RIMS2: variants seen among roughly 807,000 people sequenced by gnomAD.
RIMS2 encodes regulating synaptic membrane exocytosis 2.
In RIMS2, 59 loss-of-function variants were observed where a neutral mutation model predicts 174.4. That is an observed-to-expected ratio of 0.34 (90% CI 0.27 to 0.42). The LOEUF (loss-of-function observed/expected upper bound fraction) is 0.42, where lower values mean the gene tolerates loss of function less well. Among genes scored for constraint, RIMS2 ranks in the 10% least tolerant of loss-of-function variants. The probability of loss-of-function intolerance (pLI) is 1.00; values close to 1 mark genes in which losing one functional copy is unlikely to be tolerated. For missense variants in RIMS2, 1,620 were observed against 1,666.3 expected, an observed-to-expected ratio of 0.97 and a Z score of 0.48; for synonymous variants, 606 against 572.5, an observed-to-expected ratio of 1.06 and a Z score of -0.84.
chr8:103,790,224 C>T (rs1169183621), intron 3 of RIMS2, among the ~76,000 whole-genome samples: 1 of 152,166 alleles, frequency 6.6e-6, no homozygotes, highest in Non-Finnish European at 1.5e-5. Context: ...TTCCATAAAC[C>T]CTGGAAAACT....
At chr8:103,995,152 G>A (rs1332837827) in intron 17 of RIMS2, among the ~76,000 whole-genome samples, 1 of 151,842 alleles carries the variant, frequency 6.6e-6, no homozygotes, top group Non-Finnish European at 1.5e-5. Flanking sequence ...ATAATTATAT[G>A]AACCACTGCT....
At chr8:103,696,191 A>C (rs1041354746) in intron 1 of RIMS2, among the ~76,000 whole-genome samples, 1 of 151,984 alleles carries the variant, frequency 6.6e-6, no homozygotes, top group Non-Finnish European at 1.5e-5. Context: ...CTAATTTTTA[A>C]GTTTATTTAT....
chr8:103,641,797 A>G (rs141400819), intron 1 of RIMS2, among the ~76,000 whole-genome samples: 2 of 152,172 alleles, frequency 1.3e-5, no homozygotes, highest in East Asian at 3.9e-4. Context: ...TGATCTCTGC[A>G]TGGCACCCCT....
chr8:103,886,159 T>G (rs2099199586), exon 4 of RIMS2: 1 of 1,612,714 alleles, frequency 6.2e-7, no homozygotes, highest in African/African-American at 1.3e-5. Flanking sequence ...AGGAATTGGC[T>G]TCCACGCCTG....
chr8:103,609,803 G>T, intron 1 of RIMS2, among the ~76,000 whole-genome samples: 1 of 152,012 alleles, frequency 6.6e-6, no homozygotes, highest in Admixed American at 6.6e-5. Context: ...GGATTGCCGT[G>T]GCTATTTCTG....
intron 1 of RIMS2, among the ~76,000 whole-genome samples, chr8:103,636,885 A>G (rs1361761004): frequency 6.8e-6 from 1 of 147,008 alleles, no homozygotes; most frequent in Admixed American, 6.9e-5. Context: ...GAACAAAAGG[A>G]ATGTTTGGCT....
intron 9 of RIMS2, among the ~76,000 whole-genome samples, chr8:103,918,821 A>G (rs571200229): frequency 1.8e-4 from 28 of 152,298 alleles, no homozygotes; most frequent in South Asian, 6.2e-4. Context: ...CCAACAAAAA[A>G]TCATGAATAT....
intron 4 of RIMS2, among the ~76,000 whole-genome samples, chr8:103,903,266 T>C (rs1234061690): frequency 6.6e-6 from 1 of 152,124 alleles, no homozygotes; most frequent in Non-Finnish European, 1.5e-5. Context: ...GAAGTCAGTA[T>C]ATTAGTATAG....
Position 104,071,163 on chromosome 8 carries a change from G to T in RIMS2, c.3334+56548G>T, listed in dbSNP as rs1350173682. ...CAAAGGAATACTATAGGCATAGCTG[G>T]GATTTCTTTTCTAATTTTGATTTTA... On this transcript the variant is annotated intron_variant, in intron 19 of 23. Transcript: ENST00000504942. Among the ~76,000 whole-genome samples, 3 of 152,090 alleles carry T rather than the reference G, an allele frequency of 2.0e-5. No homozygotes were observed. In the East Asian group the frequency reaches 5.8e-4, roughly 29 times the overall value.
Position 103,932,886 on chromosome 8 carries a change from G to T in RIMS2, c.2375+1493G>T, listed in dbSNP as rs185756221. 2.6e-5 allele frequency among the ~76,000 whole-genome samples: 4 copies of T among 152,284 alleles called. No homozygotes were observed. In the East Asian group the frequency reaches 7.7e-4, roughly 29 times the overall value. On this transcript the variant is annotated intron_variant, in intron 12 of 23. Transcript: ENST00000504942. ...GACCCTATCTCTATGGCCGGGTGTG[G>T]TGGCTCATGCCTGTAATCCCAGCAC...
intron 19 of RIMS2, among the ~76,000 whole-genome samples, chr8:104,133,495 T>G (rs1157297935): frequency 6.6e-6 from 1 of 152,230 alleles, no homozygotes; most frequent in Non-Finnish European, 1.5e-5. Flanking sequence ...GAATTCCTTC[T>G]GATATTTTAT....
intron 15 of RIMS2, among the ~76,000 whole-genome samples, chr8:103,962,856 T>G (rs1266117883): frequency 1.3e-5 from 2 of 152,182 alleles, no homozygotes; most frequent in Admixed American, 1.3e-4. Context: ...AACTAATCCC[T>G]TATTTTTTCT....
At chr8:103,900,765 T>G (rs1420804001) in intron 4 of RIMS2, among the ~76,000 whole-genome samples, 1 of 152,134 alleles carries the variant, frequency 6.6e-6, no homozygotes, top group Non-Finnish European at 1.5e-5. Flanking sequence ...TCACTTTCCA[T>G]GATGTTAGAG....
chr8:103,781,597 G>C (rs907221490), intron 3 of RIMS2, among the ~76,000 whole-genome samples: 74 of 151,940 alleles, frequency 4.9e-4, no homozygotes, highest in African/African-American at 1.7e-3. Flanking sequence ...TCAAAATCTT[G>C]TTTCCATAAT....
At chr8:103,928,170 T>G (rs547162437) in intron 11 of RIMS2, among the ~76,000 whole-genome samples, 34 of 151,740 alleles carry the variant, frequency 2.2e-4, no homozygotes, top group African/African-American at 6.7e-4. Context: ...TTAATGTAGA[T>G]TCTACATATA....
chr8:103,713,637 T>C (rs2097335049), intron 2 of RIMS2, among the ~76,000 whole-genome samples: 1 of 152,238 alleles, frequency 6.6e-6, no homozygotes, highest in Non-Finnish European at 1.5e-5. Flanking sequence ...AATCTTCTAA[T>C]TGGTCTCTCT....
intron 16 of RIMS2, among the ~76,000 whole-genome samples, chr8:103,978,312 C>A (rs1258433556): frequency 6.6e-6 from 1 of 152,002 alleles, no homozygotes; most frequent in Non-Finnish European, 1.5e-5. Flanking sequence ...AATGTTTATT[C>A]CATGATAAAA....
At chr8:104,228,611 A>C (rs1396195795) in intron 19 of RIMS2, among the ~76,000 whole-genome samples, 1 of 152,210 alleles carries the variant, frequency 6.6e-6, no homozygotes, top group African/African-American at 2.4e-5. Flanking sequence ...TTCACACTGA[A>C]TATCAGTATA....
At chr8:104,042,219 T>C (rs1196015998) in intron 19 of RIMS2, among the ~76,000 whole-genome samples, 2 of 151,520 alleles carry the variant, frequency 1.3e-5, no homozygotes, top group Admixed American at 1.3e-4. Flanking sequence ...TTTAGTTGAA[T>C]ATTAAACGCT....
Sources: allele counts gnomAD v4.1 joint callset (sites outside exome capture counted in the v4.1 genomes callset), GRCh38; gene constraint gnomAD v4.1.1; transcripts MANE v1.5; gene names NCBI Gene and HGNC (gene_info 2026-07-23, HGNC 2026-07-21).